GALNT17: variants seen among roughly 807,000 people sequenced by gnomAD.
GALNT17 encodes UDP-GalNAc:polypeptide N-acetylgalactosaminyltransferase-like 3.
Under a neutral mutation model 63.7 loss-of-function variants are expected in GALNT17, and 29 were observed. The ratio of observed to expected loss-of-function variants is 0.46; its 90% CI spans 0.34 to 0.62. GALNT17 has a LOEUF of 0.62. Ranked by LOEUF, GALNT17 falls within the 20% of genes least tolerant of loss-of-function variation. GALNT17 has a pLI of 0.01. For missense variants in GALNT17, 603 were observed against 799.6 expected (o/e 0.75, Z 2.97); for synonymous variants, 305 against 318.3 (o/e 0.96, Z 0.45).
chr7:71,506,516 C>T (rs992136055), intron 5 of GALNT17, among the ~76,000 whole-genome samples: 8 of 152,168 alleles, frequency 5.3e-5, no homozygotes, highest in Non-Finnish European at 8.8e-5. Flanking sequence ...ATCTGCCCAC[C>T]TCGGCCTCCC....
At chr7:71,405,320 G>T (rs1218691395) in intron 3 of GALNT17, among the ~76,000 whole-genome samples, 1 of 152,082 alleles carries the variant, frequency 6.6e-6, no homozygotes, top group African/African-American at 2.4e-5. Context: ...TAGTCCATTT[G>T]GGGACTGCTA....
chr7:71,711,022 A>G, intron 10 of GALNT17, 94 bp downstream of exon 10: 1 of 1,484,566 alleles, frequency 6.7e-7, no homozygotes, highest in Non-Finnish European at 9.0e-7. Flanking sequence ...GTCCCCAGCA[A>G]AGAGCGACCC....
At chr7:71,358,478 A>G (rs1792334026) in intron 2 of GALNT17, among the ~76,000 whole-genome samples, 1 of 152,174 alleles carries the variant, frequency 6.6e-6, no homozygotes, top group African/African-American at 2.4e-5. Context: ...TTCACACTTA[A>G]GCTGAGTTTC....
chr7:71,505,033 C>T (rs1451300235), intron 5 of GALNT17, among the ~76,000 whole-genome samples: 1 of 152,200 alleles, frequency 6.6e-6, no homozygotes, highest in African/African-American at 2.4e-5. Context: ...CTGTTGTGTG[C>T]ATACACTGCA....
intron 1 of GALNT17, among the ~76,000 whole-genome samples, chr7:71,244,126 G>T (rs964760852): frequency 8.5e-5 from 13 of 152,294 alleles, no homozygotes; most frequent in African/African-American, 3.1e-4. Flanking sequence ...AACTGCTCCA[G>T]CATCCGCCTG....
At chr7:71,535,023 A>AC (rs1361108008) in intron 5 of GALNT17, among the ~76,000 whole-genome samples, 3 of 151,588 alleles carry the variant, frequency 2.0e-5, no homozygotes, top group African/African-American at 7.3e-5. Flanking sequence ...AGTACATACA[A>AC]CCCTCGTCCC....
At chr7:71,333,542 T>G (rs1244278247) in intron 1 of GALNT17, among the ~76,000 whole-genome samples, 1 of 152,154 alleles carries the variant, frequency 6.6e-6, no homozygotes, top group Non-Finnish European at 1.5e-5. Context: ...ATATTTAGCA[T>G]TTTTTGTTTT....
Position 71,187,864 on chromosome 7 carries a change from A to G in GALNT17, c.238+54824A>G, listed in dbSNP as rs186934255. On this transcript the variant is annotated intron_variant, in intron 1 of 10. Coordinates refer to ENST00000333538, the MANE Select transcript of GALNT17 (RefSeq NM_022479.3). ...ACCCGAGCAGTATACACTGCACTCA[A>G]TTTGTAGTCTTCCCACCCTTTCCAC... Among the ~76,000 whole-genome samples, 681 of 152,252 alleles carry G rather than the reference A, an allele frequency of 4.5e-3. 5 individuals are homozygous for G. The highest frequency in any genetic ancestry group is 0.027 in the South Asian group (129 of 4,824).
intron 1 of GALNT17, among the ~76,000 whole-genome samples, chr7:71,143,694 A>G (rs1393489227): frequency 6.6e-6 from 1 of 151,864 alleles, no homozygotes; most frequent in South Asian, 2.1e-4. Flanking sequence ...ACTTAATGTG[A>G]TGTCATGTTG....
chr7:71,452,076 T>C (rs1583966392), intron 5 of GALNT17, among the ~76,000 whole-genome samples: 2 of 152,018 alleles, frequency 1.3e-5, no homozygotes, highest in Admixed American at 1.3e-4. Flanking sequence ...AAGTGATACA[T>C]GATAAATAAA....
At chr7:71,436,164 A>G (rs1457232225) in intron 5 of GALNT17, among the ~76,000 whole-genome samples, 1 of 152,094 alleles carries the variant, frequency 6.6e-6, no homozygotes, top group African/African-American at 2.4e-5. Flanking sequence ...GTCTTGATAA[A>G]TCAGCTCTGT....
chr7:71,355,379 G>A (rs754674943), intron 2 of GALNT17, among the ~76,000 whole-genome samples: 47 of 152,150 alleles, frequency 3.1e-4, no homozygotes, highest in Non-Finnish European at 6.2e-4. Flanking sequence ...GATATGTGGT[G>A]TTTTCATTAC....
chr7:71,334,223 A>G (rs143275632), intron 1 of GALNT17, among the ~76,000 whole-genome samples: 50 of 152,326 alleles, frequency 3.3e-4, no homozygotes, highest in African/African-American at 1.2e-3. Flanking sequence ...TCAGAGAAGC[A>G]GGAGAGGGAA....
At chr7:71,556,684 C>T (rs1789167706) in intron 5 of GALNT17, among the ~76,000 whole-genome samples, 2 of 151,572 alleles carry the variant, frequency 1.3e-5, no homozygotes, top group Non-Finnish European at 1.5e-5. Context: ...CTCAGCCTCC[C>T]GAGTATCTGG....
intron 6 of GALNT17, among the ~76,000 whole-genome samples, chr7:71,574,525 G>T (rs1211105095): frequency 6.6e-6 from 1 of 152,146 alleles, no homozygotes; most frequent in Non-Finnish European, 1.5e-5. Context: ...CATCCTGCAG[G>T]CTGCAAGGTG....
chr7:71,463,207 A>T (rs576196915), intron 5 of GALNT17, among the ~76,000 whole-genome samples: 1 of 152,142 alleles, frequency 6.6e-6, no homozygotes, highest in Non-Finnish European at 1.5e-5. Context: ...TGGTTGCTAG[A>T]ATTTGGGGTC....
chr7:71,587,178 C>T (rs555123225), intron 6 of GALNT17, among the ~76,000 whole-genome samples: 1 of 152,254 alleles, frequency 6.6e-6, no homozygotes, highest in South Asian at 2.1e-4. Context: ...TAGGCGCACA[C>T]CACCACACCA....
intron 7 of GALNT17, among the ~76,000 whole-genome samples, chr7:71,668,442 G>A (rs576790359): frequency 3.8e-4 from 55 of 143,070 alleles, no homozygotes; most frequent in African/African-American, 1.4e-3. Context: ...CTTGAACCTG[G>A]GAGGCAGAGG....
intron 1 of GALNT17, among the ~76,000 whole-genome samples, chr7:71,166,238 T>C (rs1338639522): frequency 6.6e-6 from 1 of 152,244 alleles, no homozygotes; most frequent in Admixed American, 6.5e-5. Context: ...CAAGTAGTTC[T>C]GAATTTCCTC....
Sources: allele counts gnomAD v4.1 joint callset (sites outside exome capture counted in the v4.1 genomes callset), GRCh38; gene constraint gnomAD v4.1.1; transcripts MANE v1.5; gene names NCBI Gene and HGNC (gene_info 2026-07-23, HGNC 2026-07-21).